Variants in EPHA6 observed in about 807,000 individuals in gnomAD.
EPHA6 encodes the protein ephrin type-A receptor 6.
A neutral mutation model predicts 112.0 loss-of-function variants in EPHA6; 50 were observed. The observed-to-expected ratio is 0.45, with a 90% confidence interval of 0.36 to 0.56. The LOEUF (loss-of-function observed/expected upper bound fraction) is 0.56, where lower values mean the gene tolerates loss of function less well. EPHA6 is among the 20% of genes least tolerant of loss of function. The pLI is 0.00. For missense variants in EPHA6, 1,280 were observed against 1,417.4 expected (o/e 0.90, Z 1.56); for synonymous variants, 529 against 490.7 (o/e 1.08, Z -1.03).
At chr3:97,031,997 C>T (rs1414039602) in intron 3 of EPHA6, among the ~76,000 whole-genome samples, 8 of 152,106 alleles carry the variant, frequency 5.3e-5, no homozygotes, top group East Asian at 1.9e-4. Flanking sequence ...CACATGCACA[C>T]GTATGTTTAT....
chr3:97,348,886 GTTC>G (rs1208547769), intron 5 of EPHA6, among the ~76,000 whole-genome samples: 3 of 151,902 alleles, frequency 2.0e-5, no homozygotes, highest in Non-Finnish European at 4.4e-5. Flanking sequence ...CGACATGACG[GTTC>G]TTCTTGGGTT....
rs10559270 is a variant in EPHA6, at chr3:97,754,084, CTTTTTTTT to C, written c.*5397_*5404del. ...AATGTATAAAAAATAACATTTATAT[CTTTTTTTT>C]TTTTTTTTTTTTTGAGATGGAGTTT... On this transcript the variant is annotated 3_prime_UTR_variant, in exon 18 of 18. Transcript: ENST00000389672. Among the ~76,000 whole-genome samples, 703 of 102,072 alleles carry C rather than the reference CTTTTTTTT, an allele frequency of 6.9e-3. 4 individuals are homozygous for C. The highest frequency in any genetic ancestry group is 9.0e-3 in the Non-Finnish European group (449 of 50,078). The allele number at this position is 102,072 out of a possible 152,430, so 67.0% of individuals were successfully genotyped here. A position where few individuals can be genotyped will look rare whatever the true frequency, so the allele number is the denominator to read the frequency against.
chr3:97,209,312 AAC>A (rs147425747), intron 3 of EPHA6, among the ~76,000 whole-genome samples: 1 of 151,446 alleles, frequency 6.6e-6, no homozygotes, highest in Non-Finnish European at 1.5e-5. Flanking sequence ...CACACACACA[AAC>A]ACACACACAC....
chr3:97,082,246 G>A (rs1000596868), intron 3 of EPHA6, among the ~76,000 whole-genome samples: 10 of 151,788 alleles, frequency 6.6e-5, no homozygotes, highest in African/African-American at 2.4e-4. Flanking sequence ...TCAAAAATGA[G>A]CGTGTATTAC....
Position 97,471,078 on chromosome 3 carries a change from C to T in EPHA6, c.1895-4274C>T, listed in dbSNP as rs141561784. Among the ~76,000 whole-genome samples, 605 of 151,828 alleles carry T rather than the reference C, an allele frequency of 4.0e-3. 4 individuals carry two copies. Among genetic ancestry groups the T allele is most frequent in the Non-Finnish European group, 6.1e-3 (411 of 67,760 alleles). ...TAATGCTATAGACAAGTTTTCATAA[C>T]AGAGACATTTGTAGCTCTACTGTAT... On this transcript the variant is annotated intron_variant, in intron 7 of 17. Coordinates refer to ENST00000389672, the MANE Select transcript of EPHA6 (RefSeq NM_001080448.3).
At position 97,504,301 on chromosome 3, in the gene EPHA6, T is replaced by C. The variant is rs112066801; in HGVS notation, c.2200+20242T>C. Reference sequence around the variant, plus strand: ...AAGGCTAAGGTTGGAGCAAAAGTTTTAATAAGTGAGAGAAGAAAGAGCTCT... The same window carrying C: ...AAGGCTAAGGTTGGAGCAAAAGTTTCAATAAGTGAGAGAAGAAAGAGCTCT... On this transcript the variant is annotated intron_variant, in intron 10 of 17. Coordinates refer to ENST00000389672, the MANE Select transcript of EPHA6 (RefSeq NM_001080448.3). Among the ~76,000 whole-genome samples, 509 of 152,280 alleles carry C rather than the reference T, an allele frequency of 3.3e-3. 2 individuals carry two copies. Among genetic ancestry groups the C allele is most frequent in the African/African-American group, 0.012 (488 of 41,550 alleles).
intron 15 of EPHA6, among the ~76,000 whole-genome samples, chr3:97,734,855 C>A (rs1404727202): frequency 6.6e-6 from 1 of 151,924 alleles, no homozygotes; most frequent in Non-Finnish European, 1.5e-5. Context: ...AATGTTCACA[C>A]GGATACTTTT....
intron 5 of EPHA6, among the ~76,000 whole-genome samples, chr3:97,352,173 T>C (rs949605454): frequency 5.3e-5 from 8 of 152,158 alleles, no homozygotes; most frequent in African/African-American, 1.7e-4. Context: ...TTTTTTTTAA[T>C]GATTGGTGCC....
At chr3:96,901,731 C>T (rs538788009) in intron 2 of EPHA6, among the ~76,000 whole-genome samples, 138 of 152,168 alleles carry the variant, frequency 9.1e-4, no homozygotes, top group African/African-American at 3.1e-3. Context: ...AGGATCCCTG[C>T]TTCATTTTCT....
chr3:96,950,823 T>G (rs1007594320), intron 2 of EPHA6, among the ~76,000 whole-genome samples: 1 of 152,116 alleles, frequency 6.6e-6, no homozygotes, highest in African/African-American at 2.4e-5. Context: ...TTTTTACTAG[T>G]GTCTATTATG....
chr3:96,919,328 AGATTT>A (rs1431901414), intron 2 of EPHA6, among the ~76,000 whole-genome samples: 1 of 151,934 alleles, frequency 6.6e-6, no homozygotes, highest in Non-Finnish European at 1.5e-5. Context: ...AAAATCACAT[AGATTT>A]AAGTTTGAGA....
chr3:96,938,667 G>C (rs529032960), intron 2 of EPHA6, among the ~76,000 whole-genome samples: 1 of 151,682 alleles, frequency 6.6e-6, no homozygotes, highest in South Asian at 2.1e-4. Context: ...TGGTGAGAGA[G>C]GGCATCCCTG....
intron 2 of EPHA6, among the ~76,000 whole-genome samples, chr3:96,915,978 C>T (rs538460956): frequency 1.3e-5 from 2 of 152,168 alleles, no homozygotes; most frequent in African/African-American, 4.8e-5. Context: ...CTTTGATAAA[C>T]TAAAATGTTA....
chr3:97,336,921 T>C (rs950622533), intron 5 of EPHA6, among the ~76,000 whole-genome samples: 2 of 151,588 alleles, frequency 1.3e-5, no homozygotes, highest in Admixed American at 6.6e-5. Context: ...CCTCCCAGAT[T>C]ATCTGGGATG....
chr3:97,381,734 T>C (rs2109022030), intron 5 of EPHA6, among the ~76,000 whole-genome samples: 1 of 152,232 alleles, frequency 6.6e-6, no homozygotes, highest in African/African-American at 2.4e-5. Context: ...TTGTCATGAC[T>C]TAAAAATGTT....
intron 5 of EPHA6, among the ~76,000 whole-genome samples, chr3:97,254,612 G>A (rs192360351): frequency 1.6e-4 from 25 of 152,282 alleles, no homozygotes; most frequent in Admixed American, 1.6e-3. Flanking sequence ...ACACTTATAA[G>A]GTGATGGTTT....
At chr3:97,332,920 T>G (rs542303989) in intron 5 of EPHA6, among the ~76,000 whole-genome samples, 1 of 152,258 alleles carries the variant, frequency 6.6e-6, no homozygotes, top group African/African-American at 2.4e-5. Context: ...TTCTTTTTTT[T>G]TGTCAAGATT....
At chr3:97,094,702 C>A (rs1041908696) in intron 3 of EPHA6, among the ~76,000 whole-genome samples, 1 of 152,046 alleles carries the variant, frequency 6.6e-6, no homozygotes, top group African/African-American at 2.4e-5. Flanking sequence ...TTGTAAAGTT[C>A]TTTTAGTCTT....
chr3:97,244,456 A>G, intron 5 of EPHA6, 169 bp downstream of exon 5: 1 of 599,766 alleles, frequency 1.7e-6, no homozygotes, highest in Non-Finnish European at 2.9e-6. Context: ...TCAGAAAGAT[A>G]TTTTTATATT....
Sources: allele counts gnomAD v4.1 joint callset (sites outside exome capture counted in the v4.1 genomes callset), GRCh38; gene constraint gnomAD v4.1.1; transcripts MANE v1.5; gene names NCBI Gene and HGNC (gene_info 2026-07-23, HGNC 2026-07-21).